Variants in COMMD10 observed in about 807,000 individuals in gnomAD.
COMMD10 encodes the protein COMM domain-containing protein 10.
In COMMD10, 33 loss-of-function variants were observed where a neutral mutation model predicts 28.9. The observed-to-expected ratio is 1.14, with a 90% CI of 0.87 to 1.53. The LOEUF (loss-of-function observed/expected upper bound fraction) is 1.53, where lower values mean the gene tolerates loss of function less well. Among genes scored for constraint, COMMD10 ranks in the 40% most tolerant of loss-of-function variants. The pLI is 0.00. For missense variants in COMMD10, 310 were observed against 233.4 expected, an observed-to-expected ratio of 1.33 and a Z score of -2.14; for synonymous variants, 110 against 81.7, an observed-to-expected ratio of 1.35 and a Z score of -1.87.
intron 4 of COMMD10, among the ~76,000 whole-genome samples, chr5:116,127,491 G>A (rs939217738): frequency 3.9e-5 from 6 of 152,158 alleles, no homozygotes; most frequent in African/African-American, 9.7e-5. Flanking sequence ...GTTTATAGTG[G>A]CACTATTCTC....
chr5:116,120,956 T>C (rs905697392), intron 4 of COMMD10, among the ~76,000 whole-genome samples: 5 of 152,098 alleles, frequency 3.3e-5, no homozygotes, highest in Non-Finnish European at 5.9e-5. Flanking sequence ...TATGTGTATA[T>C]GTATATGTTT....
chr5:116,110,415 A>C (rs1182129064), intron 4 of COMMD10, among the ~76,000 whole-genome samples: 3 of 152,034 alleles, frequency 2.0e-5, no homozygotes, highest in Admixed American at 6.6e-5. Context: ...CCCTGTTCCA[A>C]CTTTTTGGAA....
chr5:116,142,137 T>C (rs1327824092), intron 5 of COMMD10, among the ~76,000 whole-genome samples: 1 of 151,902 alleles, frequency 6.6e-6, no homozygotes, highest in African/African-American at 2.4e-5. Flanking sequence ...CATAAACTTT[T>C]TCTCCAGTCT....
At chr5:116,204,067 C>CA (rs1473897146) in intron 5 of COMMD10, among the ~76,000 whole-genome samples, 2 of 151,510 alleles carry the variant, frequency 1.3e-5, no homozygotes, top group African/African-American at 2.4e-5. Flanking sequence ...AAATGGAAAA[C>CA]AAAAAAAGGC....
chr5:116,271,140 G>A (rs989281573), intron 5 of COMMD10, among the ~76,000 whole-genome samples: 1 of 150,632 alleles, frequency 6.6e-6, no homozygotes, highest in African/African-American at 2.4e-5. Context: ...CACTATTTCA[G>A]TACTTTGAAA....
intron 5 of COMMD10, among the ~76,000 whole-genome samples, chr5:116,262,860 G>A (rs1050221636): frequency 2.0e-5 from 3 of 151,790 alleles, no homozygotes; most frequent in African/African-American, 7.3e-5. Context: ...AATGGCCACT[G>A]TAAGTATTAT....
At chr5:116,196,360 G>A (rs1046888537) in intron 5 of COMMD10, among the ~76,000 whole-genome samples, 3 of 152,112 alleles carry the variant, frequency 2.0e-5, no homozygotes, top group Non-Finnish European at 2.9e-5. Flanking sequence ...GAGAGGGAGG[G>A]GGTGAGGGAT....
At chr5:116,179,322 A>T in intron 5 of COMMD10, among the ~76,000 whole-genome samples, 1 of 152,160 alleles carries the variant, frequency 6.6e-6, no homozygotes, top group East Asian at 1.9e-4. Context: ...ATTGACGAGG[A>T]AACAAAAGTC....
chr5:116,279,850 T>C (rs1052683235), intron 5 of COMMD10, among the ~76,000 whole-genome samples: 2 of 151,804 alleles, frequency 1.3e-5, no homozygotes, highest in Non-Finnish European at 2.9e-5. Flanking sequence ...CTCTTATTAT[T>C]AAGACAGTGT....
intron 4 of COMMD10, among the ~76,000 whole-genome samples, chr5:116,118,277 C>G (rs1345616879): frequency 6.6e-6 from 1 of 151,980 alleles, no homozygotes; most frequent in Non-Finnish European, 1.5e-5. Context: ...TTGTGGCCCA[C>G]TATATATTTT....
chr5:116,102,898 A>G (rs1750712632), intron 4 of COMMD10, among the ~76,000 whole-genome samples: 1 of 151,226 alleles, frequency 6.6e-6, no homozygotes, highest in African/African-American at 2.4e-5. Context: ...GCACCCCCTT[A>G]TGAGTGAGAA....
intron 5 of COMMD10, among the ~76,000 whole-genome samples, chr5:116,208,183 A>G (rs772529074): frequency 2.6e-5 from 4 of 152,168 alleles, no homozygotes; most frequent in Non-Finnish European, 5.9e-5. Flanking sequence ...TTTGGCACTG[A>G]TGTTAGAAAA....
intron 4 of COMMD10, among the ~76,000 whole-genome samples, chr5:116,126,846 A>C (rs1003078184): frequency 2.0e-5 from 3 of 152,224 alleles, no homozygotes; most frequent in Non-Finnish European, 4.4e-5. Context: ...AGGCAATACC[A>C]TTCAGGCCAT....
intron 5 of COMMD10, among the ~76,000 whole-genome samples, chr5:116,211,343 C>T (rs1748957718): frequency 6.6e-6 from 1 of 152,088 alleles, no homozygotes; most frequent in Admixed American, 6.6e-5. Context: ...TAGCCTGTTA[C>T]TCTAAGACTG....
At chr5:116,100,698 A>G (rs931999029) in intron 4 of COMMD10, among the ~76,000 whole-genome samples, 1 of 152,140 alleles carries the variant, frequency 6.6e-6, no homozygotes, top group African/African-American at 2.4e-5. Flanking sequence ...CTTGACATTA[A>G]TAGCTTTTTG....
chr5:116,216,909 A>G (rs1749118126), intron 5 of COMMD10, among the ~76,000 whole-genome samples: 3 of 152,104 alleles, frequency 2.0e-5, no homozygotes. Context: ...ACATTTTTTA[A>G]CCTGTTCTTC....
In COMMD10 at chr5:116,157,076, G is replaced by A. The variant is rs555044848; in HGVS notation, c.510+22898G>A. On this transcript the variant is annotated intron_variant, in intron 5 of 6. Coordinates refer to ENST00000274458, the MANE Select transcript of COMMD10 (RefSeq NM_016144.4). ...GTTTTATAGGGAACACAATTTTGCC[G>A]ATTTTTTGTTGCTACATATCAGAAG... is the stretch of plus-strand genomic sequence containing the variant. 1.1e-4 allele frequency among the ~76,000 whole-genome samples: 16 copies of A among 152,030 alleles called. No individual in the cohort carries two copies. In the East Asian group the frequency reaches 1.9e-3, roughly 18 times the overall value.
chr5:116,225,811 T>G lies in COMMD10; in HGVS notation c.511-65706T>G, dbSNP rs182825952. ...GAATCACAGATTCTAAAATCTTGTT[T>G]TTTTTTTTTTCTCTTCCTGCTTTTT... On this transcript the variant is annotated intron_variant, in intron 5 of 6. Transcript: ENST00000274458. Among the ~76,000 whole-genome samples, 395 of 152,088 alleles carry G rather than the reference T, an allele frequency of 2.6e-3. 2 individuals carry two copies. The highest frequency in any genetic ancestry group is 8.9e-3 in the African/African-American group (368 of 41,464).
intron 5 of COMMD10, among the ~76,000 whole-genome samples, chr5:116,260,761 G>A (rs2112685461): frequency 6.6e-6 from 1 of 151,718 alleles, no homozygotes; most frequent in South Asian, 2.1e-4. Context: ...TTGAATTTAA[G>A]ATTAGACCCC....
Sources: allele counts gnomAD v4.1 joint callset (sites outside exome capture counted in the v4.1 genomes callset), GRCh38; gene constraint gnomAD v4.1.1; transcripts MANE v1.5; gene names NCBI Gene and HGNC (gene_info 2026-07-23, HGNC 2026-07-21).